Variants in AKT2 observed in about 807,000 individuals in gnomAD.
The protein encoded by AKT2 is AKT serine/threonine kinase 2.
Under a neutral mutation model 58.6 loss-of-function variants are expected in AKT2, and 16 were observed. The ratio of observed to expected loss-of-function variants is 0.27; its 90% confidence interval spans 0.18 to 0.41. The LOEUF is 0.41. Among genes scored for constraint, AKT2 ranks in the 10% least tolerant of loss-of-function variants. AKT2 has a pLI of 1.00. For synonymous variants in AKT2, 253 were observed against 254.0 expected (o/e 1.00, Z 0.04); for missense variants, 438 against 661.0 (o/e 0.66, Z 3.70).
In AKT2 at chr19:40,271,062, G is replaced by A. The variant is rs1242131113; in HGVS notation, c.-84-5711C>T. Among the ~76,000 whole-genome samples the A allele has an allele frequency of 5.3e-5, 8 of 150,624 alleles. No individual in the cohort carries two copies. The East Asian group carries it at 5.9e-4, about 11-fold the overall frequency. Reference sequence around the variant, plus strand: ...AACAAACAAACAAAAAAAGCTGGCCGGGCACGGTGGCTCACACCTGTAATC... The same window carrying A: ...AACAAACAAACAAAAAAAGCTGGCCAGGCACGGTGGCTCACACCTGTAATC... On this transcript the variant is annotated intron_variant, in intron 1 of 13. Transcript: ENST00000392038.
rs1223647887 is a variant in AKT2 at position 40,271,858 on chromosome 19, C to G, written c.-84-6507G>C. Among the ~76,000 whole-genome samples, 7 of 152,330 alleles carry G rather than the reference C, an allele frequency of 4.6e-5. No homozygotes were observed. In the South Asian group the frequency reaches 1.0e-3, roughly 23 times the overall value. On this transcript the variant is annotated intron_variant, in intron 1 of 13. Transcript: ENST00000392038. ...CCCTGGTTACGACAATCAAACATGT[C>G]TTCAGTCATCACCAAATGTCTCCTG... is the stretch of plus-strand genomic sequence containing the variant.
In AKT2 at chr19:40,285,267, CCGGCAGCGGCAACGGCGCCGGCAG is replaced by C. The variant is rs926671678; in HGVS notation, c.-195_-172del. Reference sequence around the variant, plus strand: ...CGCTGGTTCCCTTTCCTTGTGTTTCCCGGCAGCGGCAACGGCGCCGGCAGCGGCAGCGGCGGCGGCGACGCCTCC... The same window carrying C: ...CGCTGGTTCCCTTTCCTTGTGTTTCCCGGCAGCGGCGGCGGCGACGCCTCC... On this transcript the variant is annotated 5_prime_UTR_variant, in exon 1 of 14. Coordinates refer to ENST00000392038, the MANE Select transcript of AKT2 (RefSeq NM_001626.6). 2.4e-4 allele frequency: 95 copies of C among 395,508 alleles called. No homozygotes were observed. The highest frequency in any genetic ancestry group is 1.1e-3 in the East Asian group (30 of 27,870). The allele number at this position is 395,508 out of a possible 1,614,324, so 24.5% of individuals were successfully genotyped here.
At position 40,234,690 on chromosome 19, in the gene AKT2, C is replaced by T. The variant is rs1599947399; in HGVS notation, c.1366+355G>A. On this transcript the variant is annotated intron_variant, in intron 13 of 13. Transcript: ENST00000392038. This position sits in a 1 kb window ranked among gnomAD's most constrained non-coding sequence, Gnocchi z 4.7. ...GGCTGGGAGCTTTCCAGGGCAGGGCCCAGGGCTGGCTCAATCAGTGCTGTG... is the reference window on the plus strand; with the variant it reads ...GGCTGGGAGCTTTCCAGGGCAGGGCTCAGGGCTGGCTCAATCAGTGCTGTG... 5.1e-6 allele frequency: 3 copies of T among 586,800 alleles called. 1 individual carries two copies. Among genetic ancestry groups the T allele is most frequent in the Middle Eastern group, 9.0e-4 (2 of 2,214 alleles). The allele number at this position is 586,800 out of a possible 1,614,324, so 36.3% of individuals were successfully genotyped here.
At chr19:40,246,088 CAAA>C (rs34293653) in intron 4 of AKT2, among the ~76,000 whole-genome samples, 19 of 87,096 alleles carry the variant, frequency 2.2e-4, no homozygotes, top group Non-Finnish European at 3.7e-4. Flanking sequence ...TCCTGTTTTT[CAAA>C]AAAAAAAAAA....
intron 1 of AKT2, among the ~76,000 whole-genome samples, chr19:40,275,937 G>T (rs1421866708): frequency 6.6e-6 from 1 of 151,452 alleles, no homozygotes. Context: ...GCTTGAACCC[G>T]GGAGGCGGCG....
At chr19:40,239,492 C>T in intron 7 of AKT2, 3 of 304,622 alleles carry the variant, frequency 9.8e-6, no homozygotes, top group South Asian at 8.9e-5. Context: ...ACTGAGGTAC[C>T]TCATAAGATT....
rs978039035 is a variant in AKT2, at chr19:40,237,596, G to C, written c.831+373C>G. 4.7e-6 allele frequency: 1 copy of C among 213,744 alleles called. No homozygotes were observed. The highest frequency in any genetic ancestry group is 2.4e-5 in the African/African-American group (1 of 42,120). 13.2% of individuals were successfully genotyped at this position (213,744 alleles called of 1,614,324 possible). A position where few individuals can be genotyped will look rare whatever the true frequency, so the allele number is the denominator to read the frequency against. ...GGAGGCAGAGGTTGCAGCGAGCCGA[G>C]ATCACACCACTGCACTCAACAGAGT... On this transcript the variant is annotated intron_variant, in intron 9 of 13. Coordinates refer to ENST00000392038, the MANE Select transcript of AKT2 (RefSeq NM_001626.6). The surrounding 1 kb of genome is among the most constrained non-coding windows in gnomAD (Gnocchi z 4.5).
chr19:40,230,593 G>C lies in AKT2; in HGVS notation c.*3279C>G. The C allele has an allele frequency of 4.4e-6, 1 of 228,654 alleles. No individual in the cohort carries two copies. Among genetic ancestry groups the C allele is most frequent in the African/African-American group, 2.2e-5 (1 of 45,196 alleles). The allele number at this position is 228,654 out of a possible 1,614,324, so 14.2% of individuals were successfully genotyped here. On this transcript the variant is annotated 3_prime_UTR_variant, in exon 14 of 14. Coordinates refer to ENST00000392038, the MANE Select transcript of AKT2 (RefSeq NM_001626.6). ...AAAGAGCAGGAAACTACCAATTTATGATGCCGTGTCCATTTGCAGAGAGGT... is the reference window on the plus strand; with the variant it reads ...AAAGAGCAGGAAACTACCAATTTATCATGCCGTGTCCATTTGCAGAGAGGT...
chr19:40,254,541 A>G lies in AKT2; in HGVS notation c.287+617T>C, dbSNP rs549909845. Reference sequence around the variant, plus strand: ...AGACTCTGTCTCAAAAAAAAAAAAAAAGGGGGTCAGGTGTGGTGGCTTGCA... The same window carrying G: ...AGACTCTGTCTCAAAAAAAAAAAAAGAGGGGGTCAGGTGTGGTGGCTTGCA... On this transcript the variant is annotated intron_variant, in intron 4 of 13. Transcript: ENST00000392038. Among the ~76,000 whole-genome samples, 1,467 of 151,292 alleles carry G rather than the reference A, an allele frequency of 9.7e-3. 19 individuals carry two copies. The highest frequency in any genetic ancestry group is 0.023 in the African/African-American group (955 of 41,282).
intron 7 of AKT2, 81 bp downstream of exon 7, chr19:40,239,964 G>T: frequency 6.6e-7 from 1 of 1,525,690 alleles, no homozygotes; most frequent in Non-Finnish European, 9.1e-7. Context: ...ACTGTGCTTT[G>T]TACCAGAAGA....
At chr19:40,255,364 C>G in intron 3 of AKT2, 95 bp from the exon 4 acceptor site, 1 of 974,400 alleles carries the variant, frequency 1.0e-6, no homozygotes. Flanking sequence ...AGGCCTAGCC[C>G]CATGCTAGAT....
At position 40,233,267 on chromosome 19, in the gene AKT2, AG is replaced by A. The variant is rs1458749076; in HGVS notation, c.*604del. On this transcript the variant is annotated 3_prime_UTR_variant, in exon 14 of 14. Coordinates refer to ENST00000392038, the MANE Select transcript of AKT2 (RefSeq NM_001626.6). This position sits in a 1 kb window ranked among gnomAD's most constrained non-coding sequence, Gnocchi z 4.3. ...CCTGGTTCCCCATGGTACAGATCCT[AG>A]GATCTGACTCCATTCACCAGGGAGC... is the stretch of plus-strand genomic sequence containing the variant. 1 of 334,024 alleles carries A rather than the reference AG, an allele frequency of 3.0e-6. No individual in the cohort carries two copies. The highest frequency in any genetic ancestry group is 4.9e-5 in the East Asian group (1 of 20,392). The allele number at this position is 334,024 out of a possible 1,614,324, so 20.7% of individuals were successfully genotyped here. A position where few individuals can be genotyped will look rare whatever the true frequency, so the allele number is the denominator to read the frequency against.
chr19:40,264,012 T>C (rs1421751194), intron 2 of AKT2, among the ~76,000 whole-genome samples: 2 of 152,086 alleles, frequency 1.3e-5, no homozygotes, highest in African/African-American at 4.8e-5. Context: ...CCGTGAGACA[T>C]GCATGTCTGC....
chr19:40,277,635 T>C (rs1408936076), intron 1 of AKT2, among the ~76,000 whole-genome samples: 10 of 152,150 alleles, frequency 6.6e-5, no homozygotes. Context: ...CATCCAGATA[T>C]CGCCTTCCTT....
chr19:40,270,875 TG>T, intron 1 of AKT2: 1 of 152,080 alleles, frequency 6.6e-6, no homozygotes, highest in Non-Finnish European at 1.5e-5. Context: ...TAGCCAGGTG[TG>T]GTGGTGCACA....
intron 2 of AKT2, among the ~76,000 whole-genome samples, chr19:40,261,276 T>G (rs903065580): frequency 3.3e-5 from 5 of 152,202 alleles, no homozygotes; most frequent in Admixed American, 3.3e-4. Flanking sequence ...CTCACGCCTG[T>G]AATCCCAGCA....
intron 4 of AKT2, among the ~76,000 whole-genome samples, chr19:40,245,525 A>G (rs1281491176): frequency 6.6e-6 from 1 of 152,210 alleles, no homozygotes; most frequent in African/African-American, 2.4e-5. Flanking sequence ...CCTGCCTCCA[A>G]GGGAGGGGAA....
intron 4 of AKT2, among the ~76,000 whole-genome samples, chr19:40,248,811 GGAGGAGTGGAGGAGATGAGGACAGA>G (rs1974930381): frequency 2.0e-5 from 2 of 101,616 alleles, no homozygotes; most frequent in Non-Finnish European, 4.0e-5. Flanking sequence ...ATGAGGACAG[GGAGGAGTGGAGGAGATGAGGACAGA>G]GAGGAGTGCA....
At chr19:40,251,074 C>T (rs1568541908) in intron 4 of AKT2, among the ~76,000 whole-genome samples, 1 of 151,946 alleles carries the variant, frequency 6.6e-6, no homozygotes, top group East Asian at 1.9e-4. Context: ...CATGGTGGTG[C>T]ATACCTTTAG....
Sources: allele counts gnomAD v4.1 joint callset (sites outside exome capture counted in the v4.1 genomes callset), GRCh38; gene constraint gnomAD v4.1.1; non-coding constraint Gnocchi (gnomAD v3.1); transcripts MANE v1.5; gene names NCBI Gene and HGNC (gene_info 2026-07-23, HGNC 2026-07-21).